The following XIRP2 variants were observed in gnomAD, a reference collection of about 807,000 sequenced individuals.
XIRP2 encodes xin actin binding repeat containing 2, also known as xin actin-binding repeat-containing protein 2.
A neutral mutation model predicts 277.0 loss-of-function variants in XIRP2; 236 were observed. The observed-to-expected ratio is 0.85, with a 90% confidence interval of 0.77 to 0.95. XIRP2 has a LOEUF of 0.95. Ranked by LOEUF, XIRP2 falls within the 40% of genes least tolerant of loss-of-function variation. The pLI is 0.00. For synonymous variants in XIRP2, 1,490 were observed against 1,416.5 expected, an observed-to-expected ratio of 1.05 and a Z score of -1.17; for missense variants, 4,640 against 4,157.5, an observed-to-expected ratio of 1.12 and a Z score of -3.19.
At position 167,243,872 on chromosome 2, in the gene XIRP2, T is replaced by G. The variant is rs1161226727; in HGVS notation, c.2480T>G (p.Ile827Ser). 6.2e-7 allele frequency: 1 copy of G among 1,613,806 alleles called. No homozygotes were observed. The highest frequency in any genetic ancestry group is 1.6e-4 in the Middle Eastern group (1 of 6,062). ...AAAATCAAAGAGTCAGAAGAGGTCATCATTGAAAAGGAAAAAATAATAGGT... is the reference window on the plus strand; with the variant it reads ...AAAATCAAAGAGTCAGAAGAGGTCAGCATTGAAAAGGAAAAAATAATAGGT... Reference protein sequence around the residue: ...LEKIKESEEVIIEKEKIIGTD... With the variant: ...LEKIKESEEVSIEKEKIIGTD... Residue 827 changes from isoleucine (I) to serine (S), a missense_variant, in exon 9 of 11, where the codon ATC becomes AGC. Physicochemically the swap from Ile to Ser is moderately radical, Grantham distance 142. Coordinates refer to ENST00000409195, the MANE Select transcript of XIRP2 (RefSeq NM_152381.6).
chr2:167,187,234 G>T (rs778252553), intron 3 of XIRP2: 1 of 984,890 alleles, frequency 1.0e-6, no homozygotes, highest in Non-Finnish European at 1.2e-6. Flanking sequence ...GAGGCAGAGT[G>T]GCCTCAGAGA....
intron 5 of XIRP2, among the ~76,000 whole-genome samples, chr2:167,227,258 A>G (rs73972214): frequency 0.012 from 1,828 of 152,286 alleles, 31 homozygotes; most frequent in African/African-American, 0.04. Context: ...AAGAATCCAG[A>G]GAAAGCAAAG....
intron 1 of XIRP2, among the ~76,000 whole-genome samples, chr2:166,901,636 C>T (rs1486312893): frequency 6.6e-6 from 1 of 152,046 alleles, no homozygotes; most frequent in Non-Finnish European, 1.5e-5. Flanking sequence ...AGCGTCTCAA[C>T]CATTCCCATG....
At chr2:167,063,413 T>G (rs1689219982) in intron 2 of XIRP2, among the ~76,000 whole-genome samples, 1 of 151,968 alleles carries the variant, frequency 6.6e-6, no homozygotes, top group Non-Finnish European at 1.5e-5. Flanking sequence ...AAATATCAAT[T>G]TAGTAAGTGG....
chr2:167,118,493 A>AT (rs112938901), intron 2 of XIRP2, among the ~76,000 whole-genome samples: 3,894 of 136,608 alleles, frequency 0.029, 65 homozygotes, highest in East Asian at 0.062. Context: ...ATAAAATAAA[A>AT]TAAAATAAAA....
chr2:167,041,355 A>G (rs1340881723), intron 2 of XIRP2, among the ~76,000 whole-genome samples: 1 of 152,216 alleles, frequency 6.6e-6, no homozygotes, highest in African/African-American at 2.4e-5. Flanking sequence ...CATAGAATCC[A>G]GAATCTGGAT....
rs145843756 is a variant in XIRP2, at chr2:167,007,679, A to ACTCTCT, written c.408+103809_408+103814dup. Among the ~76,000 whole-genome samples, 231 of 142,380 alleles carry ACTCTCT rather than the reference A, an allele frequency of 1.6e-3. 5 individuals carry two copies. The East Asian group carries it at 0.042, about 26-fold the overall frequency. The allele number at this position is 142,380 out of a possible 152,430, so 93.4% of individuals were successfully genotyped here. On this transcript the variant is annotated intron_variant, in intron 2 of 10. Coordinates refer to ENST00000409195, the MANE Select transcript of XIRP2 (RefSeq NM_152381.6). ...ATACATATATCTTACCCACATGTAC[A>ACTCTCT]CTCTCTCTCTCTCTCTCTCTCTCTC...
chr2:166,958,431 A>G (rs1686222021), intron 2 of XIRP2, among the ~76,000 whole-genome samples: 1 of 151,798 alleles, frequency 6.6e-6, no homozygotes, highest in Non-Finnish European at 1.5e-5. Context: ...CCTCATATGA[A>G]CAACATGGAC....
intron 3 of XIRP2, among the ~76,000 whole-genome samples, chr2:167,140,298 G>T (rs919077499): frequency 2.6e-5 from 4 of 152,100 alleles, no homozygotes; most frequent in African/African-American, 9.7e-5. Flanking sequence ...AATTGTCTTG[G>T]AAATATGAAT....
At chr2:167,217,004 A>G (rs1442824586) in intron 4 of XIRP2, among the ~76,000 whole-genome samples, 1 of 144,038 alleles carries the variant, frequency 6.9e-6, no homozygotes, top group African/African-American at 2.8e-5. Flanking sequence ...GAAATTGGAA[A>G]CCATCATTCT....
At chr2:167,257,755 C>T (rs1179840538) in intron 10 of XIRP2, 102 bp from the exon 11 acceptor site, 2 of 1,210,744 alleles carry the variant, frequency 1.7e-6, no homozygotes, top group East Asian at 5.0e-5. Context: ...TTGCTAGTAA[C>T]TTAAGTTTAC....
chr2:167,206,655 G>A (rs935639343), intron 3 of XIRP2, among the ~76,000 whole-genome samples: 2 of 152,060 alleles, frequency 1.3e-5, no homozygotes, highest in African/African-American at 4.8e-5. Flanking sequence ...TGTCCACAAT[G>A]GGAAGGGAGA....
intron 3 of XIRP2, among the ~76,000 whole-genome samples, chr2:167,188,815 ATG>A (rs1693240571): frequency 1.3e-5 from 2 of 152,228 alleles, no homozygotes; most frequent in African/African-American, 4.8e-5. Context: ...TTTGGACTAA[ATG>A]TTTTTGCTTT....
intron 3 of XIRP2, among the ~76,000 whole-genome samples, chr2:167,163,069 C>G (rs1692417043): frequency 6.6e-6 from 1 of 152,106 alleles, no homozygotes; most frequent in African/African-American, 2.4e-5. Flanking sequence ...TTGATACATT[C>G]ATTATCTTCT....
intron 2 of XIRP2, among the ~76,000 whole-genome samples, chr2:167,075,808 AT>A (rs5836132): frequency 0.16 from 22,334 of 141,062 alleles, 1,843 homozygotes; most frequent in African/African-American, 0.25. Flanking sequence ...TGCCCAGCTA[AT>A]TTTTTTTTTT....
At chr2:167,231,808 AG>A (rs1694766923) in intron 5 of XIRP2, among the ~76,000 whole-genome samples, 1 of 151,976 alleles carries the variant, frequency 6.6e-6, no homozygotes, top group Admixed American at 6.6e-5. Context: ...TGGTGGCAGG[AG>A]ATTACTCCAA....
intron 2 of XIRP2, among the ~76,000 whole-genome samples, chr2:166,994,730 G>A (rs1253223993): frequency 1.6e-4 from 24 of 151,546 alleles, no homozygotes; most frequent in Admixed American, 1.5e-3. Context: ...AGATCTAAAG[G>A]TGAGTTAATA....
chr2:167,022,720 G>A lies in XIRP2; in HGVS notation c.409-113189G>A, dbSNP rs146619480. 5.9e-3 allele frequency among the ~76,000 whole-genome samples: 895 copies of A among 151,994 alleles called. 8 individuals are homozygous for A. Among genetic ancestry groups the A allele is most frequent in the African/African-American group, 0.02 (848 of 41,452 alleles). ...TGGTGTTCGGTTTTTTGTCCTTGCG[G>A]TAGTTTACTGAGAATGATGCTTTCC... On this transcript the variant is annotated intron_variant, in intron 2 of 10. Transcript: ENST00000409195.
At chr2:167,003,448 T>C (rs1265371821) in intron 2 of XIRP2, among the ~76,000 whole-genome samples, 1 of 151,884 alleles carries the variant, frequency 6.6e-6, no homozygotes, top group Non-Finnish European at 1.5e-5. Context: ...AGCTGATTAT[T>C]AATGTTTCAA....
Sources: gnomAD v4.1 joint callset for allele counts (sites outside exome capture counted in the v4.1 genomes callset) on GRCh38, gnomAD v4.1.1 for gene constraint, MANE v1.5 for transcripts, NCBI Gene and HGNC (gene_info 2026-07-23, HGNC 2026-07-21) for gene names.